GABRA3: variants seen among roughly 807,000 people sequenced by gnomAD.
GABRA3 encodes the protein gamma-aminobutyric acid receptor subunit alpha-3.
GABRA3 carries 10 observed loss-of-function variants against 30.1 expected under a neutral mutation model. The ratio of observed to expected loss-of-function variants is 0.33; its 90% confidence interval spans 0.20 to 0.56. The LOEUF is 0.56. Ranked by LOEUF, GABRA3 falls within the 20% of genes least tolerant of loss-of-function variation. The pLI is 0.89. For synonymous variants in GABRA3, 151 were observed against 146.8 expected (o/e 1.03, Z -0.21); for missense variants, 233 against 392.0 (o/e 0.59, Z 3.42).
chrX:152,362,965 TAGTTTAAGA>T (rs969521461), intron 2 of GABRA3, among the ~76,000 whole-genome samples: 1 of 111,984 alleles, frequency 8.9e-6, no homozygotes, highest in Non-Finnish European at 1.9e-5. Context: ...TGGACATGCT[TAGTTTAAGA>T]AGTGTGTGGA....
At chrX:152,258,792 T>C (rs180939991) in intron 4 of GABRA3, among the ~76,000 whole-genome samples, 1 of 111,927 alleles carries the variant, frequency 8.9e-6, no homozygotes, top group African/African-American at 3.2e-5. Flanking sequence ...AAAATGTTGT[T>C]GAGGGCACAA....
At chrX:152,198,340 C>T (rs969286184) in intron 7 of GABRA3, among the ~76,000 whole-genome samples, 7 of 112,131 alleles carry the variant, frequency 6.2e-5, no homozygotes, top group African/African-American at 1.6e-4. Context: ...CTTGGTTAGA[C>T]CCAAAAGTTC....
At chrX:152,300,669 T>A (rs144348428) in intron 3 of GABRA3, among the ~76,000 whole-genome samples, 1,645 of 112,257 alleles carry the variant, frequency 0.015, 20 homozygotes, top group Non-Finnish European at 0.023. Context: ...AGATAGATGT[T>A]CTCAGCAGAG....
At chrX:152,416,897 C>CA (rs1930239550) in intron 1 of GABRA3, among the ~76,000 whole-genome samples, 1 of 105,615 alleles carries the variant, frequency 9.5e-6, no homozygotes, top group Admixed American at 1.0e-4. Flanking sequence ...AAGACTTAAA[C>CA]GTTAGACCTA....
chrX:152,211,845 C>A (rs1358393131), intron 6 of GABRA3, among the ~76,000 whole-genome samples: 2 of 111,464 alleles, frequency 1.8e-5, no homozygotes, highest in African/African-American at 6.5e-5. Flanking sequence ...GAAGATGAGG[C>A]CACCTTTAGT....
At chrX:152,392,863 C>T (rs1387040557) in intron 1 of GABRA3, among the ~76,000 whole-genome samples, 5 of 112,240 alleles carry the variant, frequency 4.5e-5, no homozygotes, top group Non-Finnish European at 3.8e-5. Flanking sequence ...TAAAACCATG[C>T]TGTGGTGCTT....
intron 1 of GABRA3, among the ~76,000 whole-genome samples, chrX:152,416,568 A>G (rs1930225826): frequency 9.0e-6 from 1 of 110,614 alleles, no homozygotes; most frequent in Non-Finnish European, 1.9e-5. Context: ...TCGCCAAGTC[A>G]ATCCTAAGCC....
chrX:152,291,299 T>G (rs1015620268), intron 3 of GABRA3, among the ~76,000 whole-genome samples: 1 of 111,806 alleles, frequency 8.9e-6, no homozygotes, highest in Non-Finnish European at 1.9e-5. Context: ...AGTTCACTCA[T>G]GATGTGGCTC....
In GABRA3 at chrX:152,348,654, A is replaced by G. The variant is rs184950623; in HGVS notation, c.141-2952T>C. ...GATATTGTGAGTTTGGTTCCAGGCC[A>G]CTGCAATAAAGCAAATATCACAATT... On this transcript the variant is annotated intron_variant, in intron 2 of 9. Transcript: ENST00000370314. Among the ~76,000 whole-genome samples, 21 of 111,728 alleles carry G rather than the reference A, an allele frequency of 1.9e-4. No individual in the cohort carries two copies. In the East Asian group the frequency reaches 5.7e-3, roughly 30 times the overall value.
chrX:152,289,291 T>G (rs1330126007), intron 3 of GABRA3, among the ~76,000 whole-genome samples: 1 of 109,594 alleles, frequency 9.1e-6, no homozygotes, highest in African/African-American at 3.3e-5. Context: ...TCATGCACAT[T>G]TATCTTAGTG....
chrX:152,239,244 G>T (rs1175215729), intron 5 of GABRA3, among the ~76,000 whole-genome samples: 1 of 103,095 alleles, frequency 9.7e-6, no homozygotes, highest in Non-Finnish European at 2.0e-5. Flanking sequence ...CCTTCATTTC[G>T]TTATGTACCC....
intron 4 of GABRA3, among the ~76,000 whole-genome samples, chrX:152,272,468 G>C (rs1938962333): frequency 8.9e-6 from 1 of 112,614 alleles, no homozygotes; most frequent in African/African-American, 3.2e-5. Context: ...ATTGTATCTA[G>C]AAAGTAACTA....
chrX:152,179,505 T>C (rs946079050), intron 9 of GABRA3, among the ~76,000 whole-genome samples: 2 of 108,011 alleles, frequency 1.9e-5, no homozygotes, highest in African/African-American at 6.8e-5. Flanking sequence ...ATTTTTTTTT[T>C]TTTTTTTGAG....
chrX:152,179,373 G>A (rs1427209486), intron 9 of GABRA3, among the ~76,000 whole-genome samples: 1 of 110,584 alleles, frequency 9.0e-6, no homozygotes, highest in Non-Finnish European at 1.9e-5. Context: ...GTCACTTGTT[G>A]TACGATAGGG....
intron 6 of GABRA3, among the ~76,000 whole-genome samples, chrX:152,220,652 C>T (rs1162714569): frequency 8.9e-6 from 1 of 112,016 alleles, no homozygotes; most frequent in Non-Finnish European, 1.9e-5. Flanking sequence ...AACCTTGGTA[C>T]AAACGTAGAT....
chrX:152,235,317 T>A (rs1165816687), intron 5 of GABRA3, among the ~76,000 whole-genome samples: 1 of 111,877 alleles, frequency 8.9e-6, no homozygotes, highest in Non-Finnish European at 1.9e-5. Context: ...TTTTGTATCC[T>A]GAAACGACTG....
intron 4 of GABRA3, among the ~76,000 whole-genome samples, chrX:152,271,169 G>T (rs1250970389): frequency 9.1e-6 from 1 of 110,262 alleles, no homozygotes; most frequent in Non-Finnish European, 1.9e-5. Flanking sequence ...CACCATGTTG[G>T]CCAAGCTGGT....
At chrX:152,327,879 C>CA (rs1444039904) in intron 3 of GABRA3, among the ~76,000 whole-genome samples, 4 of 111,031 alleles carry the variant, frequency 3.6e-5, no homozygotes, top group African/African-American at 1.3e-4. Context: ...GATAGAGACA[C>CA]AAAAAACACT....
chrX:152,432,829 C>A (rs1188289367), intron 1 of GABRA3, among the ~76,000 whole-genome samples: 1 of 110,925 alleles, frequency 9.0e-6, no homozygotes, highest in Non-Finnish European at 1.9e-5. Flanking sequence ...ACCTAAGAAC[C>A]TAGATACAGT....
Sources: gnomAD v4.1 joint callset for allele counts (sites outside exome capture counted in the v4.1 genomes callset) on GRCh38, gnomAD v4.1.1 for gene constraint, MANE v1.5 for transcripts, NCBI Gene and HGNC (gene_info 2026-07-23, HGNC 2026-07-21) for gene names.